OR8J1: variants seen among roughly 807,000 people sequenced by gnomAD.
The protein encoded by OR8J1 is olfactory receptor family 8 subfamily J member 1.
For missense variants in OR8J1, 400 were observed against 373.0 expected (o/e 1.07, Z -0.60); for synonymous variants, 157 against 144.3 (o/e 1.09, Z -0.63).
rs1374733695 is a variant in OR8J1, at chr11:56,357,737, G to T, written c.-20-2490G>T. On this transcript the variant is annotated intron_variant, in intron 1 of 1. Transcript: ENST00000533152. Reference sequence around the variant, plus strand: ...ACAATGTGGAAAGCATTGATGGTCAGCCAGGTGCCTTTACCTGCTATTTGG... The same window carrying T: ...ACAATGTGGAAAGCATTGATGGTCATCCAGGTGCCTTTACCTGCTATTTGG... 1.9e-6 allele frequency: 3 copies of T among 1,573,334 alleles called. No homozygotes were observed. The East Asian group carries it at 6.7e-5, about 35-fold the overall frequency.
Position 56,354,318 on chromosome 11 carries a change from C to T in OR8J1, c.-28C>T, listed in dbSNP as rs1260244600. On this transcript the variant is annotated 5_prime_UTR_variant, in exon 1 of 2. Transcript: ENST00000533152. ...CTCTAAGAACCTGAAGCAGATTCTCCTCTAGAGGTGGGTGGAAAAGACTTA... is the reference window on the plus strand; with the variant it reads ...CTCTAAGAACCTGAAGCAGATTCTCTTCTAGAGGTGGGTGGAAAAGACTTA... 1 of 152,114 alleles carries T rather than the reference C, an allele frequency of 6.6e-6. No individual in the cohort carries two copies. The highest frequency in any genetic ancestry group is 1.5e-5 in the Non-Finnish European group (1 of 68,008). 9.4% of individuals were successfully genotyped at this position (152,114 alleles called of 1,614,324 possible).
chr11:56,358,389 A>T (rs1441921689), intron 1 of OR8J1, among the ~76,000 whole-genome samples: 2 of 152,098 alleles, frequency 1.3e-5, no homozygotes, highest in African/African-American at 4.8e-5. Flanking sequence ...CCCCCTCAAA[A>T]ACTAAATGCT....
Position 56,360,277 on chromosome 11 carries a change from G to A in OR8J1, c.31G>A (p.Glu11Lys). The A allele has an allele frequency of 3.8e-6, 6 of 1,589,192 alleles. No homozygotes were observed. The highest frequency in any genetic ancestry group is 5.1e-6 in the Non-Finnish European group (6 of 1,171,610). Residue 11 changes from glutamate (E) to lysine (K), a missense_variant, in exon 2 of 2, where the codon GAG (glutamate) becomes AAG (lysine). Coordinates refer to ENST00000533152, the MANE Select transcript of OR8J1 (RefSeq NM_001005205.3). The stretch of plus-strand genomic sequence containing the variant: ...TCCTGAAAATTTCACCAGAGTCACT[G>A]AGTTTATTCTTACAGGTGTCTCTAG... MAPENFTRVT[E>K]FILTGVSSCP...
chr11:56,360,861 A>T lies in OR8J1; in HGVS notation c.615A>T (p.Thr205=). The T allele has an allele frequency of 6.6e-7, 1 of 1,507,254 alleles. No homozygotes were observed. Among genetic ancestry groups the T allele is most frequent in the East Asian group, 2.3e-5 (1 of 43,096 alleles). 93.4% of individuals were successfully genotyped at this position (1,507,254 alleles called of 1,614,324 possible). A position where few individuals can be genotyped will look rare whatever the true frequency, so the allele number is the denominator to read the frequency against. ...PETVVFISAA[T]NVVGSLIIVL... ...CAGTTGTCTTTATATCTGCAGCAAC[A>T]AATGTGGTTGGTTCCTTGATTATAG... Residue 205 remains threonine (T), a synonymous_variant, in exon 2 of 2, where the codon ACA becomes ACT. Transcript: ENST00000533152.
chr11:56,354,831 G>A (rs7931849), intron 1 of OR8J1, among the ~76,000 whole-genome samples: 1 of 152,130 alleles, frequency 6.6e-6, no homozygotes, highest in African/African-American at 2.4e-5. Context: ...AGCATAATAT[G>A]TAATCCACTG....
Position 56,360,250 on chromosome 11 carries a change from G to A in OR8J1, c.4G>A (p.Ala2Thr). The A allele has an allele frequency of 1.2e-5, 19 of 1,560,228 alleles. No individual in the cohort carries two copies. Among genetic ancestry groups the A allele is most frequent in the Non-Finnish European group, 1.5e-5 (17 of 1,158,614 alleles). M[A>T]PENFTRVTEF... Reference sequence around the variant, plus strand: ...AGATGAATTTCCAAACTCTGACATGGCTCCTGAAAATTTCACCAGAGTCAC... The same window carrying A: ...AGATGAATTTCCAAACTCTGACATGACTCCTGAAAATTTCACCAGAGTCAC... The change falls in exon 2 of 2, where the codon GCT (alanine) becomes ACT (threonine). Residue 2 changes from alanine (A) to threonine (T), a missense_variant. Physicochemically the swap from Ala to Thr is moderately conservative, Grantham distance 58. Transcript: ENST00000533152.
In OR8J1 at chr11:56,360,211, CT is replaced by C. The variant is rs1465239748; in HGVS notation, c.-20-12del. On this transcript the variant is annotated splice_polypyrimidine_tract_variant and intron_variant, in intron 1 of 1. Transcript: ENST00000533152. Reference sequence around the variant, plus strand: ...TAATTCTTTAAAGTTTTTAACCTCTCTTTTCCCCCAAACAGATGAATTTCCA... The same window carrying C: ...TAATTCTTTAAAGTTTTTAACCTCTCTTTCCCCCAAACAGATGAATTTCCA... 5 of 1,509,416 alleles carry C rather than the reference CT, an allele frequency of 3.3e-6. No homozygotes were observed. The East Asian group carries it at 1.1e-4, about 34-fold the overall frequency. 93.5% of individuals were successfully genotyped at this position (1,509,416 alleles called of 1,614,324 possible).
intron 1 of OR8J1, chr11:56,358,228 C>G: frequency 3.9e-6 from 1 of 258,358 alleles, no homozygotes; most frequent in Non-Finnish European, 7.7e-6. Context: ...CTAAACCAAA[C>G]AATTTTCTAT....
intron 1 of OR8J1, chr11:56,357,306 G>T: frequency 1.9e-6 from 1 of 527,484 alleles, no homozygotes; most frequent in South Asian, 2.3e-5. Context: ...GTGGATGCGG[G>T]CCTCTCTTCA....
Position 56,361,188 on chromosome 11 carries a change from A to T in OR8J1, c.942A>T (p.Lys314Asn). Residue 314 changes from lysine (K) to asparagine (N), a missense_variant, in exon 2 of 2, where the codon AAA (lysine) becomes AAT (asparagine). Lys to Asn is a moderately conservative substitution (Grantham distance 94). Coordinates refer to ENST00000533152, the MANE Select transcript of OR8J1 (RefSeq NM_001005205.3). ...RFMTNLCYSF[K>N]TM ...TGACAAATCTGTGCTATTCCTTTAAAACAATGTAATTTTAAACAGTACAGG... is the reference window on the plus strand; with the variant it reads ...TGACAAATCTGTGCTATTCCTTTAATACAATGTAATTTTAAACAGTACAGG... The T allele has an allele frequency of 7.6e-7, 1 of 1,311,378 alleles. No homozygotes were observed. Among genetic ancestry groups the T allele is most frequent in the Non-Finnish European group, 9.9e-7 (1 of 1,009,902 alleles). The allele number at this position is 1,311,378 out of a possible 1,614,324, so 81.2% of individuals were successfully genotyped here.
At chr11:56,355,442 C>T (rs1314025597) in intron 1 of OR8J1, among the ~76,000 whole-genome samples, 1 of 151,802 alleles carries the variant, frequency 6.6e-6, no homozygotes, top group Non-Finnish European at 1.5e-5. Flanking sequence ...TTGAGACCAA[C>T]CTGGTCAACA....
chr11:56,357,788 T>C, intron 1 of OR8J1: 4 of 1,360,122 alleles, frequency 2.9e-6, no homozygotes, highest in Non-Finnish European at 4.2e-6. Context: ...GAACTACCAC[T>C]GGCAATAAAG....
intron 1 of OR8J1, among the ~76,000 whole-genome samples, chr11:56,359,281 C>A: frequency 6.6e-6 from 1 of 151,570 alleles, no homozygotes; most frequent in Middle Eastern, 3.4e-3. Flanking sequence ...AATTCTATGT[C>A]AAATATGAGC....
chr11:56,356,965 TAA>T lies in OR8J1; in HGVS notation c.-21+2641_-21+2642del, dbSNP rs1217380725. 5.9e-5 allele frequency among the ~76,000 whole-genome samples: 9 copies of T among 152,144 alleles called. 1 individual carries two copies. The highest frequency in any genetic ancestry group is 2.6e-4 in the Admixed American group (4 of 15,264). ...CCCCCATCTGTCATTCTCTCATATA[TAA>T]GTTATATAACTTATTATATAAATTA... On this transcript the variant is annotated intron_variant, in intron 1 of 1. Transcript: ENST00000533152.
chr11:56,360,919 A>G lies in OR8J1; in HGVS notation c.673A>G (p.Ile225Val), dbSNP rs1282699637. ...ATCTTATTTCAATATTGTTTTGTCT[A>G]TTTTAAAAATATGTTCATCAGAAGG... ...LVSYFNIVLS[I>V]LKICSSEGRK... Residue 225 changes from isoleucine (I) to valine (V), a missense_variant, in exon 2 of 2, where the codon ATT becomes GTT. Coordinates refer to ENST00000533152, the MANE Select transcript of OR8J1 (RefSeq NM_001005205.3). 1.1e-5 allele frequency: 17 copies of G among 1,480,630 alleles called. No individual in the cohort carries two copies. Among genetic ancestry groups the G allele is most frequent in the Non-Finnish European group, 3.6e-6 (4 of 1,118,484 alleles). 91.7% of individuals were successfully genotyped at this position (1,480,630 alleles called of 1,614,324 possible). A position where few individuals can be genotyped will look rare whatever the true frequency, so the allele number is the denominator to read the frequency against.
At position 56,360,948 on chromosome 11, in the gene OR8J1, G is replaced by GA. The variant is rs1308589172; in HGVS notation, c.708dup (p.Ala237SerfsTer29). On this transcript the variant is annotated frameshift_variant, in exon 2 of 2. Transcript: ENST00000533152. LOFTEE classifies it low-confidence loss of function (END_TRUNC). ...TAAAAATATGTTCATCAGAAGGAAG[G>GA]AAAAAAGCCTTTTCTACCTGTGCTT... 3.4e-6 allele frequency: 5 copies of GA among 1,473,188 alleles called. No individual in the cohort carries two copies. In the South Asian group the frequency reaches 6.1e-5, roughly 18 times the overall value. 91.3% of individuals were successfully genotyped at this position (1,473,188 alleles called of 1,614,324 possible). A position where few individuals can be genotyped will look rare whatever the true frequency, so the allele number is the denominator to read the frequency against.
intron 1 of OR8J1, among the ~76,000 whole-genome samples, chr11:56,355,985 A>T (rs772051976): frequency 6.6e-6 from 1 of 152,204 alleles, no homozygotes; most frequent in Non-Finnish European, 1.5e-5. Flanking sequence ...AGAAATAAAA[A>T]TATGCCTTAA....
rs1852630060 is a variant in OR8J1 at position 56,360,932 on chromosome 11, G to T, written c.686G>T (p.Cys229Phe). Residue 229 changes from cysteine to phenylalanine, a missense_variant, in exon 2 of 2, where the codon TGT (cysteine) becomes TTT (phenylalanine). By Grantham distance (205) the Cys-to-Phe change is radical (BLOSUM62 -2). Transcript: ENST00000533152. ...ATTGTTTTGTCTATTTTAAAAATAT[G>T]TTCATCAGAAGGAAGGAAAAAAGCC... Reference protein sequence around the residue: ...FNIVLSILKICSSEGRKKAFS... With the variant: ...FNIVLSILKIFSSEGRKKAFS... 14 of 1,474,268 alleles carry T rather than the reference G, an allele frequency of 9.5e-6. No individual in the cohort carries two copies. Among genetic ancestry groups the T allele is most frequent in the South Asian group, 1.5e-5 (1 of 65,572 alleles). The allele number at this position is 1,474,268 out of a possible 1,614,324, so 91.3% of individuals were successfully genotyped here.
At chr11:56,357,617 C>T (rs1854987392) in intron 1 of OR8J1, 1 of 1,321,850 alleles carries the variant, frequency 7.6e-7, no homozygotes. Flanking sequence ...ATGCTGCAGC[C>T]TATTGTACTT....
Sources: gnomAD v4.1 joint callset for allele counts (sites outside exome capture counted in the v4.1 genomes callset) on GRCh38, gnomAD v4.1.1 for gene constraint, MANE v1.5 for transcripts, NCBI Gene and HGNC (gene_info 2026-07-23, HGNC 2026-07-21) for gene names.